The following NMT2 variants were observed in gnomAD, a reference collection of about 807,000 sequenced individuals.
NMT2 encodes glycylpeptide N-tetradecanoyltransferase 2.
In NMT2, 35 loss-of-function variants were observed where a neutral mutation model predicts 65.4. The observed-to-expected ratio is 0.54, with a 90% CI of 0.41 to 0.71. The LOEUF (loss-of-function observed/expected upper bound fraction) is 0.71, where lower values mean the gene tolerates loss of function less well. Ranked by LOEUF, NMT2 falls within the 30% of genes least tolerant of loss-of-function variation. NMT2 has a pLI of 0.00. For synonymous variants in NMT2, 226 were observed against 231.8 expected (o/e 0.98, Z 0.23); for missense variants, 489 against 611.3 (o/e 0.80, Z 2.11).
intron 10 of NMT2, among the ~76,000 whole-genome samples, chr10:15,111,199 C>G (rs548587231): frequency 3.6e-4 from 54 of 152,052 alleles, no homozygotes; most frequent in Non-Finnish European, 7.1e-4. Context: ...GCCCAGGGAC[C>G]AAAGTTGTAA....
At chr10:15,154,062 T>C (rs1832904860) in intron 1 of NMT2, among the ~76,000 whole-genome samples, 2 of 152,224 alleles carry the variant, frequency 1.3e-5, no homozygotes, top group South Asian at 4.1e-4. Flanking sequence ...AAAAGGTCTC[T>C]GCATCCCTCA....
intron 2 of NMT2, among the ~76,000 whole-genome samples, chr10:15,140,814 C>T (rs748939634): frequency 5.3e-5 from 8 of 152,218 alleles, no homozygotes; most frequent in South Asian, 2.1e-4. Context: ...CAGACACCCA[C>T]GCAGTACAAT....
At position 15,141,601 on chromosome 10, in the gene NMT2, A is replaced by G. The variant is rs757674923; in HGVS notation, c.111-44T>C. On this transcript the variant is annotated intron_variant, in intron 1 of 11. Transcript: ENST00000378165. ...TGGTGAAACCAACCAACAAACAAAA[A>G]TCATTAAATGAAATTGAATTGCATA... The G allele has an allele frequency of 1.2e-5, 19 of 1,556,848 alleles. No individual in the cohort carries two copies. The South Asian group carries it at 1.9e-4, about 15-fold the overall frequency.
chr10:15,123,624 G>T (rs1021378653), intron 8 of NMT2, among the ~76,000 whole-genome samples: 36 of 151,922 alleles, frequency 2.4e-4, no homozygotes, highest in Middle Eastern at 3.4e-3. Context: ...AACCAGGAAG[G>T]CTATTGGGCT....
intron 1 of NMT2, among the ~76,000 whole-genome samples, chr10:15,152,012 T>C (rs1171466472): frequency 1.3e-5 from 2 of 152,014 alleles, no homozygotes; most frequent in Non-Finnish European, 2.9e-5. Context: ...GGTGACAGAG[T>C]AAAACTCTGT....
intron 1 of NMT2, among the ~76,000 whole-genome samples, chr10:15,142,425 A>G (rs1481985930): frequency 2.6e-5 from 4 of 152,116 alleles, no homozygotes; most frequent in Non-Finnish European, 4.4e-5. Flanking sequence ...AGCCAGGTAC[A>G]GTGGCACGCA....
At chr10:15,147,635 G>GAA (rs113883663) in intron 1 of NMT2, among the ~76,000 whole-genome samples, 4 of 145,254 alleles carry the variant, frequency 2.8e-5, no homozygotes, top group African/African-American at 5.0e-5. Context: ...CCCACAACAT[G>GAA]AAAAAAAAAA....
intron 9 of NMT2, among the ~76,000 whole-genome samples, chr10:15,113,504 A>C (rs1845644343): frequency 6.6e-6 from 1 of 151,046 alleles, no homozygotes; most frequent in Admixed American, 6.6e-5. Flanking sequence ...GAAAGATAGA[A>C]GCAGAATGTC....
intron 1 of NMT2, among the ~76,000 whole-genome samples, chr10:15,150,186 G>A (rs1357794510): frequency 3.3e-5 from 5 of 152,192 alleles, no homozygotes; most frequent in South Asian, 2.1e-4. Flanking sequence ...CACACCCACC[G>A]TTGGGGAAGT....
At chr10:15,116,474 G>C (rs1324646896) in intron 9 of NMT2, among the ~76,000 whole-genome samples, 1 of 152,094 alleles carries the variant, frequency 6.6e-6, no homozygotes, top group African/African-American at 2.4e-5. Context: ...CTAGTAACAG[G>C]GAAAGGTCTC....
intron 9 of NMT2, among the ~76,000 whole-genome samples, chr10:15,114,794 G>C (rs1845691810): frequency 6.6e-6 from 1 of 152,158 alleles, no homozygotes; most frequent in Admixed American, 6.5e-5. Flanking sequence ...TCTGAGCTCA[G>C]AAGTTCGAGA....
In NMT2 at chr10:15,107,459, C is replaced by G. The variant is rs1183253625; in HGVS notation, c.*1736G>C. The G allele has an allele frequency of 4.1e-6, 4 of 985,212 alleles. No individual in the cohort carries two copies. The highest frequency in any genetic ancestry group is 6.2e-5 in the Admixed American group (1 of 16,242). 61.0% of individuals were successfully genotyped at this position (985,212 alleles called of 1,614,324 possible). A position where few individuals can be genotyped will look rare whatever the true frequency, so the allele number is the denominator to read the frequency against. Reference sequence around the variant, plus strand: ...CAGTAAAAGCAGGGAAAAGTATCTACTTTTGTTTTTTGAGACGGAGTCTTG... The same window carrying G: ...CAGTAAAAGCAGGGAAAAGTATCTAGTTTTGTTTTTTGAGACGGAGTCTTG... On this transcript the variant is annotated 3_prime_UTR_variant, in exon 12 of 12. Transcript: ENST00000378165.
rs181723371 is a variant in NMT2 at position 15,124,341 on chromosome 10, C to A, written c.999+4009G>T. Among the ~76,000 whole-genome samples, 20 of 152,314 alleles carry A rather than the reference C, an allele frequency of 1.3e-4. No homozygotes were observed. In the East Asian group the frequency reaches 3.9e-3, roughly 29 times the overall value. Reference sequence around the variant, plus strand: ...ACAGTTGTGAATGGCGCAGGCCCTGCGACAGCTCTGCTTCTGGCCAGCAGA... The same window carrying A: ...ACAGTTGTGAATGGCGCAGGCCCTGAGACAGCTCTGCTTCTGGCCAGCAGA... On this transcript the variant is annotated intron_variant, in intron 8 of 11. Coordinates refer to ENST00000378165, the MANE Select transcript of NMT2 (RefSeq NM_004808.3).
chr10:15,129,432 C>G (rs1846199611), intron 7 of NMT2, among the ~76,000 whole-genome samples: 1 of 152,190 alleles, frequency 6.6e-6, no homozygotes, highest in African/African-American at 2.4e-5. Context: ...GAAAGCTTGA[C>G]TAGTGCAGAC....
rs78669671 is a variant in NMT2 at position 15,160,874 on chromosome 10, C to T, written c.110+7629G>A. Among the ~76,000 whole-genome samples the T allele has an allele frequency of 7.0e-3, 1,058 of 151,846 alleles. 14 individuals carry two copies. Among genetic ancestry groups the T allele is most frequent in the African/African-American group, 0.024 (1,013 of 41,416 alleles). On this transcript the variant is annotated intron_variant, in intron 1 of 11. Transcript: ENST00000378165. The stretch of plus-strand genomic sequence containing the variant: ...GGAAAAAATGCCAGAAGCTTCTAGA[C>T]TGAAAACAAGTTAAAACAGACAAAA...
rs778911007 is a variant in NMT2, at chr10:15,168,638, G to A, written c.-26C>T. On this transcript the variant is annotated 5_prime_UTR_variant, in exon 1 of 12. Coordinates refer to ENST00000378165, the MANE Select transcript of NMT2 (RefSeq NM_004808.3). ...CGCGGCGGCGCTGGCTGGGGAGGCG[G>A]TGCTCGGGGCCGGGCCGGAGCGGCC... The A allele has an allele frequency of 9.6e-6, 15 of 1,555,244 alleles. No individual in the cohort carries two copies. Among genetic ancestry groups the A allele is most frequent in the African/African-American group, 2.8e-5 (2 of 70,748 alleles).
intron 8 of NMT2, 74 bp from the exon 9 acceptor site, chr10:15,119,587 G>C: frequency 7.8e-7 from 1 of 1,287,010 alleles, no homozygotes; most frequent in South Asian, 1.3e-5. Flanking sequence ...CACTCAAAGT[G>C]TGGTCTGCAG....
rs1182912341 is a variant in NMT2, at chr10:15,106,976, G to C, written c.*2219C>G. On this transcript the variant is annotated 3_prime_UTR_variant, in exon 12 of 12. Coordinates refer to ENST00000378165, the MANE Select transcript of NMT2 (RefSeq NM_004808.3). ...CTTAGCCAGGCGTGGTGGTATGCAC[G>C]CCCAGCTAGTTCTTTTTCTTCAAAA... Among the ~76,000 whole-genome samples the C allele has an allele frequency of 6.6e-6, 1 of 152,030 alleles. No homozygotes were observed. Among genetic ancestry groups the C allele is most frequent in the African/African-American group, 2.4e-5 (1 of 41,390 alleles).
intron 8 of NMT2, among the ~76,000 whole-genome samples, chr10:15,125,869 G>A (rs1374898049): frequency 6.6e-6 from 1 of 152,088 alleles, no homozygotes; most frequent in Admixed American, 6.5e-5. Flanking sequence ...GTTTCACCAT[G>A]TTGGCCAGGG....
Sources: gnomAD v4.1 joint callset for allele counts (sites outside exome capture counted in the v4.1 genomes callset) on GRCh38, gnomAD v4.1.1 for gene constraint, MANE v1.5 for transcripts, NCBI Gene and HGNC (gene_info 2026-07-23, HGNC 2026-07-21) for gene names.